Variants in BPTF observed in about 807,000 individuals in gnomAD.
BPTF encodes bromodomain PHD finger transcription factor.
Under a neutral mutation model 292.5 loss-of-function variants are expected in BPTF, and 18 were observed. The ratio of observed to expected loss-of-function variants is 0.06; its 90% CI spans 0.04 to 0.09. The LOEUF is 0.09. BPTF is among the 10% of genes least tolerant of loss of function. The pLI, the probability that BPTF is intolerant of heterozygous loss-of-function variation, is 1.00. For missense variants in BPTF, 2,726 were observed against 3,498.7 expected, an observed-to-expected ratio of 0.78 and a Z score of 5.57; for synonymous variants, 1,225 against 1,251.9, an observed-to-expected ratio of 0.98 and a Z score of 0.45.
intron 7 of BPTF, 103 bp downstream of exon 7, chr17:67,894,268 GACTTT>G (rs1352103042): frequency 7.3e-6 from 9 of 1,230,858 alleles, no homozygotes; most frequent in South Asian, 1.6e-5. Context: ...CCATATTGAA[GACTTT>G]ACTTTTGGCC....
At chr17:67,826,572 G>GCT (rs1273148332) in intron 1 of BPTF, among the ~76,000 whole-genome samples, 1 of 122,878 alleles carries the variant, frequency 8.1e-6, no homozygotes, top group Non-Finnish European at 1.7e-5. Context: ...ACACTCGCTC[G>GCT]CTCTCTCTCC....
intron 3 of BPTF, among the ~76,000 whole-genome samples, chr17:67,869,954 TGAGCCACTGCACTCCAGCCTGGG>T (rs1251918278): frequency 1.5e-5 from 2 of 131,628 alleles, no homozygotes; most frequent in Non-Finnish European, 3.1e-5. Flanking sequence ...GTGAGCCGAG[TGAGCCACTGCACTCCAGCCTGGG>T]CGACACAGAG....
chr17:67,959,534 A>G lies in BPTF; in HGVS notation c.7927-7A>G, dbSNP rs141869271. ...GATAGTCTTGTATTGTCTTTAATTGATAACAGGAAGAGCTGAAGAGAGACC... is the reference window on the plus strand; with the variant it reads ...GATAGTCTTGTATTGTCTTTAATTGGTAACAGGAAGAGCTGAAGAGAGACC... On this transcript the variant is annotated splice_polypyrimidine_tract_variant and splice_region_variant and intron_variant, in intron 23 of 27. Transcript: ENST00000306378. The G allele has an allele frequency of 3.8e-5, 58 of 1,511,772 alleles. No individual in the cohort carries two copies. In the African/African-American group the frequency reaches 7.3e-4, roughly 19 times the overall value. 93.6% of individuals were successfully genotyped at this position (1,511,772 alleles called of 1,614,324 possible).
intron 14 of BPTF, 144 bp downstream of exon 14, chr17:67,923,134 C>T (rs1021562406): frequency 5.5e-6 from 5 of 914,108 alleles, no homozygotes; most frequent in Non-Finnish European, 7.9e-6. Context: ...TGGCTCACTG[C>T]AACCTCTGCC....
intron 4 of BPTF, among the ~76,000 whole-genome samples, chr17:67,883,016 AAAAAG>A (rs1395541407): frequency 0.012 from 1,766 of 150,458 alleles, 32 homozygotes; most frequent in African/African-American, 0.041. Context: ...AAAAAAAAAA[AAAAAG>A]AAAAGAAAAA....
At chr17:67,920,550 G>A (rs1305607909) in intron 13 of BPTF, among the ~76,000 whole-genome samples, 2 of 152,156 alleles carry the variant, frequency 1.3e-5, no homozygotes, top group Non-Finnish European at 2.9e-5. Flanking sequence ...AGTGCTCAAG[G>A]TAGAGATAAT....
chr17:67,833,259 T>TA (rs756145960), intron 1 of BPTF, among the ~76,000 whole-genome samples: 23 of 151,884 alleles, frequency 1.5e-4, no homozygotes, highest in Non-Finnish European at 2.6e-4. Context: ...TTTTTTTTTT[T>TA]ATGGAGACAG....
intron 17 of BPTF, among the ~76,000 whole-genome samples, chr17:67,931,169 G>A (rs2064353669): frequency 6.6e-6 from 1 of 152,204 alleles, no homozygotes; most frequent in African/African-American, 2.4e-5. Flanking sequence ...GGAGGCTGAG[G>A]CAGGAGAATT....
intron 16 of BPTF, among the ~76,000 whole-genome samples, 189 bp downstream of exon 16, chr17:67,928,790 A>G (rs1459412703): frequency 6.6e-6 from 1 of 152,226 alleles, no homozygotes; most frequent in Non-Finnish European, 1.5e-5. Flanking sequence ...CTCCTCTCTT[A>G]CATTATTTCA....
chr17:67,947,962 CTT>C, intron 22 of BPTF, 117 bp from the exon 23 acceptor site: 1 of 1,262,090 alleles, frequency 7.9e-7, no homozygotes, highest in Non-Finnish European at 1.1e-6. Flanking sequence ...TTGAACCACT[CTT>C]GACGTTTTCC....
chr17:67,871,495 A>C (rs780576593), intron 3 of BPTF, among the ~76,000 whole-genome samples: 2 of 151,636 alleles, frequency 1.3e-5, no homozygotes, highest in Non-Finnish European at 1.5e-5. Flanking sequence ...TTCATCGTAT[A>C]GATCTGTACT....
chr17:67,970,473 A>C (rs1206021456), intron 26 of BPTF, among the ~76,000 whole-genome samples: 1 of 152,238 alleles, frequency 6.6e-6, no homozygotes, highest in African/African-American at 2.4e-5. Context: ...AAGTAGGTAC[A>C]TAAAGATAAT....
At chr17:67,835,663 A>G (rs2057066339) in intron 1 of BPTF, among the ~76,000 whole-genome samples, 1 of 141,208 alleles carries the variant, frequency 7.1e-6, no homozygotes, top group African/African-American at 2.7e-5. Context: ...AGTCCTGGTA[A>G]TTTTTTTTTT....
chr17:67,881,858 G>GTTTT (rs71354089), intron 4 of BPTF, among the ~76,000 whole-genome samples: 3 of 30,014 alleles, frequency 1.0e-4, no homozygotes, highest in African/African-American at 1.8e-4. Flanking sequence ...TTGGGTTTTT[G>GTTTT]TTTTTTTTTT....
At chr17:67,857,631 T>C (rs1312336493) in intron 2 of BPTF, among the ~76,000 whole-genome samples, 1 of 151,750 alleles carries the variant, frequency 6.6e-6, no homozygotes, top group Non-Finnish European at 1.5e-5. Flanking sequence ...CATGCCCGGC[T>C]AATTTTTGCA....
intron 4 of BPTF, chr17:67,886,437 GA>G (rs1167971653): frequency 1.0e-4 from 68 of 655,396 alleles, no homozygotes; most frequent in African/African-American, 1.9e-5. Flanking sequence ...TTTTTTAAAT[GA>G]AAGTTTGGTG....
At chr17:67,907,991 T>C (rs1000114490) in intron 9 of BPTF, among the ~76,000 whole-genome samples, 19 of 152,152 alleles carry the variant, frequency 1.2e-4, no homozygotes, top group African/African-American at 4.1e-4. Context: ...ACCATTGAAA[T>C]AGATTACAAA....
At chr17:67,978,731 C>T (rs1331704179) in intron 27 of BPTF, among the ~76,000 whole-genome samples, 3 of 152,154 alleles carry the variant, frequency 2.0e-5, no homozygotes, top group Non-Finnish European at 4.4e-5. Context: ...GAATGGAGCA[C>T]TCCCCAGAGG....
intron 23 of BPTF, among the ~76,000 whole-genome samples, chr17:67,949,582 A>T (rs1424378684): frequency 5.9e-5 from 9 of 152,022 alleles, no homozygotes; most frequent in Admixed American, 1.3e-4. Context: ...CTCAAAAAAA[A>T]AAAAGTAGAC....
Sources: allele counts gnomAD v4.1 joint callset (sites outside exome capture counted in the v4.1 genomes callset), GRCh38; gene constraint gnomAD v4.1.1; transcripts MANE v1.5; gene names NCBI Gene and HGNC (gene_info 2026-07-23, HGNC 2026-07-21).